TBKBP1: variants seen among roughly 807,000 people sequenced by gnomAD.
TBKBP1 encodes TANK-binding kinase 1-binding protein 1.
In TBKBP1, 47 loss-of-function variants were observed where a neutral mutation model predicts 69.9. The observed-to-expected ratio is 0.67, with a 90% CI of 0.53 to 0.86. The LOEUF is 0.86. Among genes scored for constraint, TBKBP1 ranks in the 40% least tolerant of loss-of-function variants. TBKBP1 has a pLI of 0.00. For missense variants in TBKBP1, 831 were observed against 858.6 expected (o/e 0.97, Z 0.40); for synonymous variants, 418 against 390.3 (o/e 1.07, Z -0.84).
At chr17:47,696,359 C>A in intron 2 of TBKBP1, 22 bp downstream of exon 2, 1 of 1,608,046 alleles carries the variant, frequency 6.2e-7, no homozygotes, top group Non-Finnish European at 8.5e-7. Flanking sequence ...GAGAGGAGGG[C>A]GCCTGATAGA....
At chr17:47,701,865 C>G (rs1402700206) in intron 7 of TBKBP1, among the ~76,000 whole-genome samples, 1 of 152,232 alleles carries the variant, frequency 6.6e-6, no homozygotes, top group Non-Finnish European at 1.5e-5. Flanking sequence ...CTGGCCTCTG[C>G]TTGGGGGCTG....
At chr17:47,702,080 C>T (rs190324404) in intron 7 of TBKBP1, among the ~76,000 whole-genome samples, 37 of 152,328 alleles carry the variant, frequency 2.4e-4, no homozygotes, top group Non-Finnish European at 4.7e-4. Flanking sequence ...CTCACTACCC[C>T]GATAGTTTTA....
In TBKBP1 at chr17:47,698,629, G is replaced by T; in HGVS notation, c.488G>T (p.Cys163Phe). 3 of 1,600,650 alleles carry T rather than the reference G, an allele frequency of 1.9e-6. No homozygotes were observed. Among genetic ancestry groups the T allele is most frequent in the Non-Finnish European group, 2.6e-6 (3 of 1,173,838 alleles). ...GTGGAGACGCACCTGCGTCAGATCT[G>T]TGGTTTGGAGCAGCAGCTGCGGCAA... is the stretch of plus-strand genomic sequence containing the variant. Reference protein sequence around the residue: ...ALVETHLRQICGLEQQLRQQQ... With the variant: ...ALVETHLRQIFGLEQQLRQQQ... Residue 163 changes from cysteine (C) to phenylalanine (F), a missense_variant, in exon 5 of 10, where the codon TGT becomes TTT. Coordinates refer to ENST00000578982, the MANE Select transcript of TBKBP1 (RefSeq NM_001394755.1).
Position 47,709,176 on chromosome 17 carries a change from C to G in TBKBP1, c.1443C>G (p.Ala481=), listed in dbSNP as rs751633135. ...YAGASPPWLQ[A]EAATLPKPRA... Reference sequence around the variant, plus strand: ...GCGCCTCCCCGCCCTGGCTGCAGGCCGAAGCGGCCACTCTCCCCAAGCCCC... The same window carrying G: ...GCGCCTCCCCGCCCTGGCTGCAGGCGGAAGCGGCCACTCTCCCCAAGCCCC... Residue 481 remains alanine (A), a synonymous_variant, in exon 9 of 10, where the codon GCC becomes GCG. Coordinates refer to ENST00000578982, the MANE Select transcript of TBKBP1 (RefSeq NM_001394755.1). 6 of 1,468,478 alleles carry G rather than the reference C, an allele frequency of 4.1e-6. No homozygotes were observed. In the South Asian group the frequency reaches 5.3e-5, roughly 13 times the overall value. The allele number at this position is 1,468,478 out of a possible 1,614,324, so 91.0% of individuals were successfully genotyped here.
intron 1 of TBKBP1, chr17:47,694,488 G>C (rs1290725189): frequency 2.0e-5 from 3 of 152,138 alleles, no homozygotes; most frequent in Admixed American, 6.5e-5. Context: ...GCCCCCGAGA[G>C]GGGAGGGGCG....
intron 7 of TBKBP1, among the ~76,000 whole-genome samples, chr17:47,705,726 G>T (rs1250603564): frequency 6.6e-6 from 1 of 152,246 alleles, no homozygotes; most frequent in Non-Finnish European, 1.5e-5. Context: ...CAGGTCGTTA[G>T]CATCTTCAGC....
Position 47,696,748 on chromosome 17 carries a change from T to A in TBKBP1, c.263T>A (p.Phe88Tyr). The change falls in exon 3 of 10, where the codon TTT (phenylalanine) becomes TAT (tyrosine). Residue 88 changes from phenylalanine (F) to tyrosine (Y), a missense_variant. Transcript: ENST00000578982. Reference protein sequence around the residue: ...LISDFGEEHGFSLYEIKDGSL... With the variant: ...LISDFGEEHGYSLYEIKDGSL... The stretch of plus-strand genomic sequence containing the variant: ...AGTGACTTTGGAGAGGAGCATGGCT[T>A]TTCTCTGTATGAAATCAAGGATGGC... 6.2e-7 allele frequency: 1 copy of A among 1,613,944 alleles called. No individual in the cohort carries two copies. Among genetic ancestry groups the A allele is most frequent in the South Asian group, 1.1e-5 (1 of 91,082 alleles).
intron 7 of TBKBP1, among the ~76,000 whole-genome samples, chr17:47,706,434 T>C (rs557730145): frequency 6.6e-6 from 1 of 152,170 alleles, no homozygotes; most frequent in African/African-American, 2.4e-5. Flanking sequence ...CACAGACCCA[T>C]GAGCTGAGGA....
chr17:47,709,173 G>A lies in TBKBP1; in HGVS notation c.1440G>A (p.Gln480=). The change falls in exon 9 of 10, where the codon CAG becomes CAA. Residue 480 remains glutamine (Q), a synonymous_variant. Coordinates refer to ENST00000578982, the MANE Select transcript of TBKBP1 (RefSeq NM_001394755.1). ...CGGGCGCCTCCCCGCCCTGGCTGCA[G>A]GCCGAAGCGGCCACTCTCCCCAAGC... The part of the protein sequence containing the change: ...AYAGASPPWL[Q]AEAATLPKPR... The A allele has an allele frequency of 6.8e-7, 1 of 1,465,180 alleles. No individual in the cohort carries two copies. The highest frequency in any genetic ancestry group is 9.0e-7 in the Non-Finnish European group (1 of 1,116,856). 90.8% of individuals were successfully genotyped at this position (1,465,180 alleles called of 1,614,324 possible).
intron 4 of TBKBP1, among the ~76,000 whole-genome samples, chr17:47,697,874 A>G (rs1283335245): frequency 6.7e-6 from 1 of 149,282 alleles, no homozygotes; most frequent in Non-Finnish European, 1.5e-5. Context: ...GCTTTAGCCC[A>G]GGAGATCGAA....
At chr17:47,697,360 C>T (rs916446972) in intron 4 of TBKBP1, among the ~76,000 whole-genome samples, 167 bp downstream of exon 4, 1 of 152,182 alleles carries the variant, frequency 6.6e-6, no homozygotes, top group Non-Finnish European at 1.5e-5. Flanking sequence ...CTGTGAGTGC[C>T]CGCCCATTTG....
In TBKBP1 at chr17:47,708,711, G is replaced by T. The variant is rs2031786643; in HGVS notation, c.992-14G>T. 3 of 1,467,328 alleles carry T rather than the reference G, an allele frequency of 2.0e-6. No individual in the cohort carries two copies. The highest frequency in any genetic ancestry group is 1.8e-6 in the Non-Finnish European group (2 of 1,115,956). 90.9% of individuals were successfully genotyped at this position (1,467,328 alleles called of 1,614,324 possible). On this transcript the variant is annotated splice_polypyrimidine_tract_variant and intron_variant, in intron 8 of 9. Transcript: ENST00000578982. The surrounding 1 kb of genome is among the most constrained non-coding windows in gnomAD (Gnocchi z 4.4). ...CACCTTTGTCCCCCCACCCCGTCCCGGTTTCTCTTCCAGGCCAGAGGCACT... is the reference window on the plus strand; with the variant it reads ...CACCTTTGTCCCCCCACCCCGTCCCTGTTTCTCTTCCAGGCCAGAGGCACT...
chr17:47,701,354 G>GACACACACACAC (rs145407261), intron 7 of TBKBP1, among the ~76,000 whole-genome samples: 4 of 144,048 alleles, frequency 2.8e-5, no homozygotes, highest in East Asian at 2.1e-4. Context: ...GACACACACA[G>GACACACACACAC]ACACACACAC....
chr17:47,710,527 C>G lies in TBKBP1; in HGVS notation c.1749C>G (p.Ile583Met). 1 of 1,611,582 alleles carries G rather than the reference C, an allele frequency of 6.2e-7. No homozygotes were observed. Among genetic ancestry groups the G allele is most frequent in the Non-Finnish European group, 8.5e-7 (1 of 1,178,416 alleles). The change falls in exon 10 of 10, where the codon ATC becomes ATG. Residue 583 changes from isoleucine to methionine, a missense_variant. By Grantham distance (10) the Ile-to-Met change is conservative. Coordinates refer to ENST00000578982, the MANE Select transcript of TBKBP1 (RefSeq NM_001394755.1). Reference sequence around the variant, plus strand: ...TGATGGAGACGGTGGGCTCCGACATCCGCAGCTGCCCCCTCTGCCAGCTGG... The same window carrying G: ...TGATGGAGACGGTGGGCTCCGACATGCGCAGCTGCCCCCTCTGCCAGCTGG... ...NLLMETVGSD[I>M]RSCPLCQLGF...
intron 1 of TBKBP1, chr17:47,695,789 T>A (rs1443291669): frequency 2.5e-5 from 7 of 274,906 alleles, no homozygotes; most frequent in Non-Finnish European, 4.8e-5. Flanking sequence ...CAGGTCTCCC[T>A]GGGTTCTGGC....
At position 47,700,289 on chromosome 17, in the gene TBKBP1, C is replaced by CTTTTTTT. The variant is rs774797034; in HGVS notation, c.872+613_872+619dup. Among the ~76,000 whole-genome samples, 24 of 41,456 alleles carry CTTTTTTT rather than the reference C, an allele frequency of 5.8e-4. 1 individual carries two copies. Among genetic ancestry groups the CTTTTTTT allele is most frequent in the African/African-American group, 1.2e-3 (9 of 7,288 alleles). 27.2% of individuals were successfully genotyped at this position (41,456 alleles called of 152,430 possible). ...TAGGAGTGAGCCACTGCGCCCGGAC[C>CTTTTTTT]TTTTTTTTTTTTTTTTTTTTTTTTT... On this transcript the variant is annotated intron_variant, in intron 7 of 9. Coordinates refer to ENST00000578982, the MANE Select transcript of TBKBP1 (RefSeq NM_001394755.1).
chr17:47,696,045 ACGG>A, intron 1 of TBKBP1, 31 bp from the exon 2 acceptor site: 1 of 1,281,010 alleles, frequency 7.8e-7, no homozygotes, highest in Admixed American at 2.3e-5. Flanking sequence ...CCCTAGACAG[ACGG>A]CCCTGTCCAC....
intron 5 of TBKBP1, among the ~76,000 whole-genome samples, chr17:47,699,036 C>G (rs2031375641): frequency 6.6e-6 from 1 of 152,164 alleles, no homozygotes; most frequent in Non-Finnish European, 1.5e-5. Flanking sequence ...TCCCCCCGCC[C>G]CGTCTCTGGC....
At chr17:47,702,981 A>G (rs562757690) in intron 7 of TBKBP1, among the ~76,000 whole-genome samples, 1 of 58,190 alleles carries the variant, frequency 1.7e-5, no homozygotes, top group East Asian at 5.4e-4. Flanking sequence ...GGGGAGGGGA[A>G]ATGCGGGGGG....
Sources: allele counts gnomAD v4.1 joint callset (sites outside exome capture counted in the v4.1 genomes callset), GRCh38; gene constraint gnomAD v4.1.1; non-coding constraint Gnocchi (gnomAD v3.1); transcripts MANE v1.5; gene names NCBI Gene and HGNC (gene_info 2026-07-23, HGNC 2026-07-21).